Variants in ADARB2 observed in about 807,000 individuals in gnomAD.
ADARB2 encodes inactive double-stranded RNA-specific editase B2.
A neutral mutation model predicts 62.2 loss-of-function variants in ADARB2; 25 were observed. The observed-to-expected ratio is 0.40, with a 90% CI of 0.29 to 0.56. The LOEUF (loss-of-function observed/expected upper bound fraction) is 0.56, where lower values mean the gene tolerates loss of function less well. Ranked by LOEUF, ADARB2 falls within the 20% of genes least tolerant of loss-of-function variation. ADARB2 has a pLI of 0.43. For synonymous variants in ADARB2, 572 were observed against 500.8 expected (o/e 1.14, Z -1.90); for missense variants, 1,071 against 1,077.4 (o/e 0.99, Z 0.08).
At chr10:1,288,535 G>T (rs1424546019) in intron 3 of ADARB2, among the ~76,000 whole-genome samples, 4 of 152,190 alleles carry the variant, frequency 2.6e-5, no homozygotes, top group African/African-American at 7.2e-5. Context: ...GTAAGTTGTG[G>T]GTCTGGAAGT....
At chr10:1,377,380 C>T (rs1832442977) in intron 2 of ADARB2, among the ~76,000 whole-genome samples, 2 of 128,782 alleles carry the variant, frequency 1.6e-5, no homozygotes, top group South Asian at 2.6e-4. Context: ...TGTGTGTGCA[C>T]ATGTGCATGT....
At chr10:1,269,883 CAA>C (rs542800965) in intron 4 of ADARB2, among the ~76,000 whole-genome samples, 11 of 152,078 alleles carry the variant, frequency 7.2e-5, no homozygotes, top group Non-Finnish European at 1.5e-4. Context: ...CCTAATTCCA[CAA>C]AGAGGCAGGT....
At chr10:1,288,011 A>C (rs963792189) in intron 3 of ADARB2, among the ~76,000 whole-genome samples, 1 of 152,230 alleles carries the variant, frequency 6.6e-6, no homozygotes, top group Non-Finnish European at 1.5e-5. Flanking sequence ...CTGAGTGTGC[A>C]TGGTGGGCCC....
intron 1 of ADARB2, among the ~76,000 whole-genome samples, chr10:1,570,464 C>T (rs1045212775): frequency 2.6e-5 from 4 of 152,204 alleles, no homozygotes; most frequent in Middle Eastern, 6.8e-3. Context: ...ACCATGCTCA[C>T]CGCACGGCAG....
chr10:1,718,072 G>C (rs1835044112), intron 1 of ADARB2, among the ~76,000 whole-genome samples: 1 of 152,120 alleles, frequency 6.6e-6, no homozygotes, highest in Non-Finnish European at 1.5e-5. Context: ...GGAAGGGAGG[G>C]AAGGAGGGAG....
chr10:1,326,645 G>A (rs899135500), intron 3 of ADARB2, among the ~76,000 whole-genome samples: 3 of 152,170 alleles, frequency 2.0e-5, no homozygotes, highest in Non-Finnish European at 4.4e-5. Flanking sequence ...AGAAAAACAG[G>A]AAGCACAAGA....
intron 1 of ADARB2, among the ~76,000 whole-genome samples, chr10:1,382,678 A>G (rs1832493131): frequency 6.6e-6 from 1 of 150,914 alleles, no homozygotes; most frequent in Non-Finnish European, 1.5e-5. Flanking sequence ...GGTTTTACTC[A>G]AGCTTCTGAT....
intron 2 of ADARB2, among the ~76,000 whole-genome samples, chr10:1,375,470 C>T (rs1057165969): frequency 6.6e-6 from 1 of 152,240 alleles, no homozygotes; most frequent in Non-Finnish European, 1.5e-5. Flanking sequence ...GTTCCCCGCT[C>T]TGCACCCTTA....
At chr10:1,433,577 C>A (rs1830798489) in intron 1 of ADARB2, among the ~76,000 whole-genome samples, 1 of 152,110 alleles carries the variant, frequency 6.6e-6, no homozygotes, top group Non-Finnish European at 1.5e-5. Flanking sequence ...TGGCCAAGAT[C>A]ACATCCATAG....
intron 3 of ADARB2, among the ~76,000 whole-genome samples, chr10:1,272,525 C>T (rs1016284056): frequency 6.6e-5 from 10 of 152,244 alleles, no homozygotes; most frequent in Non-Finnish European, 1.2e-4. Flanking sequence ...GGGCCCGGCG[C>T]AGTCTCCTCT....
chr10:1,397,654 C>T (rs28361473), intron 1 of ADARB2, among the ~76,000 whole-genome samples: 2 of 15,576 alleles, frequency 1.3e-4, no homozygotes, highest in Admixed American at 5.7e-4. Flanking sequence ...CCCTCCCGAG[C>T]GCAGGCTTCC....
At chr10:1,374,651 G>A (rs1374159406) in intron 2 of ADARB2, among the ~76,000 whole-genome samples, 1 of 152,176 alleles carries the variant, frequency 6.6e-6, no homozygotes, top group African/African-American at 2.4e-5. Context: ...TTGCTCCAGA[G>A]CTCAGGCATC....
chr10:1,683,826 A>G (rs1020996440), intron 1 of ADARB2, among the ~76,000 whole-genome samples: 2 of 152,230 alleles, frequency 1.3e-5, no homozygotes, highest in Non-Finnish European at 2.9e-5. Context: ...GAAAAGAATC[A>G]CATAAGAAGG....
At chr10:1,497,832 A>AG (rs142544525) in intron 1 of ADARB2, among the ~76,000 whole-genome samples, 23,912 of 152,104 alleles carry the variant, frequency 0.16, 2,255 homozygotes, top group Middle Eastern at 0.23. Flanking sequence ...TAGAATTTGA[A>AG]GGGGGTGGAG....
chr10:1,505,382 G>A (rs866374419), intron 1 of ADARB2, among the ~76,000 whole-genome samples: 3 of 138,630 alleles, frequency 2.2e-5, no homozygotes, highest in Non-Finnish European at 4.7e-5. Context: ...GAGGGTTTTT[G>A]TTTTTTTTTT....
At chr10:1,298,127 A>T (rs1454884505) in intron 3 of ADARB2, among the ~76,000 whole-genome samples, 1 of 152,172 alleles carries the variant, frequency 6.6e-6, no homozygotes, top group African/African-American at 2.4e-5. Flanking sequence ...AAACACACAC[A>T]TTGTCTCCAT....
At chr10:1,365,786 C>T (rs925398299) in intron 2 of ADARB2, among the ~76,000 whole-genome samples, 11 of 152,196 alleles carry the variant, frequency 7.2e-5, no homozygotes, top group South Asian at 4.1e-4. Flanking sequence ...AACCTTCATA[C>T]ACAGAGGCAG....
chr10:1,390,234 T>C (rs976626804), intron 1 of ADARB2, among the ~76,000 whole-genome samples: 2 of 152,324 alleles, frequency 1.3e-5, no homozygotes, highest in South Asian at 2.1e-4. Flanking sequence ...GTGGTTCCAT[T>C]TACATAAAGT....
intron 2 of ADARB2, among the ~76,000 whole-genome samples, chr10:1,365,065 T>G (rs1588233634): frequency 6.6e-6 from 1 of 151,854 alleles, no homozygotes; most frequent in South Asian, 2.1e-4. Context: ...AGAGATGGGA[T>G]TTCACCGTGT....
Sources: gnomAD v4.1 joint callset for allele counts (sites outside exome capture counted in the v4.1 genomes callset) on GRCh38, gnomAD v4.1.1 for gene constraint, MANE v1.5 for transcripts, NCBI Gene and HGNC (gene_info 2026-07-23, HGNC 2026-07-21) for gene names.